The following GNG7 variants were observed in gnomAD, a reference collection of about 807,000 sequenced individuals.
GNG7 encodes the protein G protein subunit gamma 7, also known as guanine nucleotide-binding protein G(I)/G(S)/G(O) subunit gamma-7.
In GNG7, 1 loss-of-function variant was observed where a neutral mutation model predicts 4.0. The observed-to-expected ratio is 0.25, with a 90% CI of 0.09 to 1.18. GNG7 has a LOEUF of 1.18. GNG7 is among the 50% of genes most tolerant of loss of function. GNG7 has a pLI of 0.50. For synonymous variants in GNG7, 34 were observed against 36.9 expected (o/e 0.92, Z 0.29); for missense variants, 86 against 91.9 (o/e 0.94, Z 0.26).
At chr19:2,657,361 A>AAAAAAAAT (rs1555701153) in intron 1 of GNG7, among the ~76,000 whole-genome samples, 4 of 16,322 alleles carry the variant, frequency 2.5e-4, no homozygotes, top group Non-Finnish European at 4.1e-4. Context: ...AAAAAAAAAA[A>AAAAAAAAT]ATATATATAT....
chr19:2,567,352 A>T (rs866070118), intron 2 of GNG7, among the ~76,000 whole-genome samples: 1 of 19,286 alleles, frequency 5.2e-5, no homozygotes, highest in Non-Finnish European at 9.7e-5. Context: ...TGTGTGTGTG[A>T]CATAGGGTCT....
intron 2 of GNG7, among the ~76,000 whole-genome samples, chr19:2,578,140 G>A (rs372478150): frequency 6.6e-6 from 1 of 152,086 alleles, no homozygotes; most frequent in East Asian, 1.9e-4. Context: ...GCCCGGCTAC[G>A]TGCTTGTCTT....
At chr19:2,652,198 G>T (rs377467379) in intron 1 of GNG7, among the ~76,000 whole-genome samples, 1 of 151,756 alleles carries the variant, frequency 6.6e-6, no homozygotes, top group Non-Finnish European at 1.5e-5. Flanking sequence ...TAAAATATTC[G>T]CATGCCATAA....
At chr19:2,661,281 A>AGGAAGGAAGGAAGGAAGGAAG (rs1191625207) in intron 1 of GNG7, among the ~76,000 whole-genome samples, 2 of 70,438 alleles carry the variant, frequency 2.8e-5, no homozygotes, top group Non-Finnish European at 5.1e-5. Context: ...AAAGAAAGAA[A>AGGAAGGAAGGAAGGAAGGAAG]GAAAGAAAGA....
chr19:2,651,406 C>A (rs1982823895), intron 1 of GNG7, among the ~76,000 whole-genome samples: 1 of 108,846 alleles, frequency 9.2e-6, no homozygotes, highest in African/African-American at 3.5e-5. Context: ...CCCTCCCTCC[C>A]TCCTTCCCTC....
chr19:2,530,238 C>T (rs1199711881), intron 3 of GNG7, among the ~76,000 whole-genome samples: 4 of 151,322 alleles, frequency 2.6e-5, no homozygotes, highest in Non-Finnish European at 5.9e-5. Flanking sequence ...CATGGTGAAA[C>T]CCCATCTCTG....
chr19:2,646,260 C>T lies in GNG7; in HGVS notation c.-114G>A, dbSNP rs1982663328. 6.6e-6 allele frequency: 1 copy of T among 152,228 alleles called. No homozygotes were observed. Among genetic ancestry groups the T allele is most frequent in the Admixed American group, 6.5e-5 (1 of 15,278 alleles). 9.4% of individuals were successfully genotyped at this position (152,228 alleles called of 1,614,324 possible). A position where few individuals can be genotyped will look rare whatever the true frequency, so the allele number is the denominator to read the frequency against. ...GTCTCGCCGTCTGCAGCACCGAGAT[C>T]CCGAAACCAAGCTCCACTCCCTGGA... On this transcript the variant is annotated 5_prime_UTR_variant, in exon 2 of 5. Coordinates refer to ENST00000382159, the MANE Select transcript of GNG7 (RefSeq NM_052847.3).
At chr19:2,567,303 G>C (rs1042146409) in intron 2 of GNG7, among the ~76,000 whole-genome samples, 3 of 120,692 alleles carry the variant, frequency 2.5e-5, no homozygotes, top group African/African-American at 1.0e-4. Context: ...TCCATCTGCA[G>C]GTTTATTTCT....
chr19:2,540,491 C>A (rs994291992), intron 3 of GNG7, among the ~76,000 whole-genome samples: 1 of 152,192 alleles, frequency 6.6e-6, no homozygotes, highest in Non-Finnish European at 1.5e-5. Context: ...CTTAGCCCGA[C>A]GGCGTGCCCA....
At chr19:2,543,349 T>G in intron 3 of GNG7, among the ~76,000 whole-genome samples, 1 of 151,728 alleles carries the variant, frequency 6.6e-6, no homozygotes, top group Non-Finnish European at 1.5e-5. Context: ...GCCTTCTGAG[T>G]AGCTGGGACT....
intron 2 of GNG7, among the ~76,000 whole-genome samples, chr19:2,629,330 C>T (rs1982099397): frequency 1.3e-5 from 2 of 152,324 alleles, no homozygotes; most frequent in South Asian, 4.1e-4. Context: ...CAGAAATTCT[C>T]AGGAGGCAGC....
chr19:2,654,237 C>G (rs946387235), intron 1 of GNG7, among the ~76,000 whole-genome samples: 47 of 152,060 alleles, frequency 3.1e-4, no homozygotes, highest in African/African-American at 1.1e-3. Context: ...CTGACGCATA[C>G]CCTCCCCTCC....
chr19:2,566,931 C>T (rs1979928613), intron 2 of GNG7, among the ~76,000 whole-genome samples: 4 of 151,950 alleles, frequency 2.6e-5, no homozygotes, highest in Admixed American at 2.6e-4. Context: ...GGTGAAACCC[C>T]GTGTCTACTA....
At chr19:2,649,562 G>A (rs939131302) in intron 1 of GNG7, among the ~76,000 whole-genome samples, 5 of 151,902 alleles carry the variant, frequency 3.3e-5, no homozygotes, top group Non-Finnish European at 5.9e-5. Flanking sequence ...GCTAATTTTT[G>A]TATTTTTAGT....
chr19:2,701,585 C>T (rs901143044), intron 1 of GNG7, among the ~76,000 whole-genome samples: 22 of 151,060 alleles, frequency 1.5e-4, no homozygotes, highest in African/African-American at 5.1e-4. Context: ...AACCCCTGGG[C>T]CGTCAATCAC....
chr19:2,664,029 G>A (rs948475214), intron 1 of GNG7, among the ~76,000 whole-genome samples: 10 of 152,166 alleles, frequency 6.6e-5, no homozygotes, highest in Admixed American at 5.2e-4. Flanking sequence ...GAGACCCAAT[G>A]CTCTAAGGCA....
chr19:2,553,547 T>C (rs913254756), intron 3 of GNG7, among the ~76,000 whole-genome samples: 8 of 148,846 alleles, frequency 5.4e-5, no homozygotes, highest in East Asian at 3.9e-4. Flanking sequence ...TCACATTACA[T>C]ATATGTAATA....
At chr19:2,652,478 G>C (rs1982855954) in intron 1 of GNG7, among the ~76,000 whole-genome samples, 2 of 152,052 alleles carry the variant, frequency 1.3e-5, no homozygotes, top group Non-Finnish European at 2.9e-5. Context: ...AATTAGCCGG[G>C]CGTGGTGGTG....
chr19:2,700,809 G>A (rs1274630483), intron 1 of GNG7: 2 of 152,136 alleles, frequency 1.3e-5, no homozygotes, highest in African/African-American at 4.8e-5. Flanking sequence ...GCACCTCCCA[G>A]AGGCCCCCGA....
Sources: allele counts gnomAD v4.1 joint callset (sites outside exome capture counted in the v4.1 genomes callset), GRCh38; gene constraint gnomAD v4.1.1; transcripts MANE v1.5; gene names NCBI Gene and HGNC (gene_info 2026-07-23, HGNC 2026-07-21).